Variants in CUX1 observed in about 807,000 individuals in gnomAD.
The protein encoded by CUX1 is cut like homeobox 1.
In CUX1, 31 loss-of-function variants were observed where a neutral mutation model predicts 158.8. That is an observed-to-expected ratio of 0.20 (90% CI 0.15 to 0.26). The LOEUF (loss-of-function observed/expected upper bound fraction) is 0.26. Ranked by LOEUF, CUX1 falls within the 10% of genes least tolerant of loss-of-function variation. The pLI is 1.00. For synonymous variants in CUX1, 879 were observed against 862.1 expected, an observed-to-expected ratio of 1.02 and a Z score of -0.34; for missense variants, 1,589 against 2,014.6, an observed-to-expected ratio of 0.79 and a Z score of 4.04.
intron 2 of CUX1, among the ~76,000 whole-genome samples, chr7:101,937,403 T>A (rs1807071548): frequency 6.6e-6 from 1 of 152,180 alleles, no homozygotes; most frequent in Admixed American, 6.5e-5. Context: ...GCCCAAGCTT[T>A]GGCATAGGCC....
chr7:102,132,814 G>A (rs1833465698), intron 8 of CUX1, among the ~76,000 whole-genome samples: 1 of 150,276 alleles, frequency 6.7e-6, no homozygotes, highest in Non-Finnish European at 1.5e-5. Flanking sequence ...TGGGATTACA[G>A]GCACCCGCCA....
At chr7:102,211,923 T>A (rs1267177897) in intron 20 of CUX1, among the ~76,000 whole-genome samples, 10 of 151,860 alleles carry the variant, frequency 6.6e-5, no homozygotes, top group African/African-American at 2.4e-4. Context: ...GCTGATGAGA[T>A]GAGGCTGGGG....
chr7:102,027,117 G>T (rs1179544576), intron 2 of CUX1, among the ~76,000 whole-genome samples: 2 of 152,160 alleles, frequency 1.3e-5, no homozygotes, highest in Non-Finnish European at 2.9e-5. Flanking sequence ...GGCCATGGTG[G>T]CTCATGCCTG....
At chr7:101,887,861 T>G (rs909068245) in intron 1 of CUX1, among the ~76,000 whole-genome samples, 10 of 145,998 alleles carry the variant, frequency 6.8e-5, no homozygotes, top group African/African-American at 7.7e-5. Context: ...TTTTTTTTTT[T>G]TTTGTTTAGA....
chr7:101,861,549 C>A (rs1395513592), intron 1 of CUX1, among the ~76,000 whole-genome samples: 2 of 151,542 alleles, frequency 1.3e-5, no homozygotes, highest in Non-Finnish European at 2.9e-5. Context: ...CCCTGGGTGC[C>A]CCTGTCTACT....
chr7:101,938,804 G>A (rs1170493292), intron 2 of CUX1, among the ~76,000 whole-genome samples: 1 of 152,058 alleles, frequency 6.6e-6, no homozygotes, highest in African/African-American at 2.4e-5. Context: ...ACTTTGGGAG[G>A]CTGAGGCGGG....
chr7:102,128,882 G>A (rs1832928965), intron 8 of CUX1, among the ~76,000 whole-genome samples: 1 of 152,020 alleles, frequency 6.6e-6, no homozygotes, highest in Admixed American at 6.6e-5. Context: ...GGAGGCTGAA[G>A]TAGAAGAATC....
chr7:102,094,375 C>CTAAA (rs1554483306), intron 4 of CUX1, among the ~76,000 whole-genome samples: 1 of 152,172 alleles, frequency 6.6e-6, no homozygotes, highest in Non-Finnish European at 1.5e-5. Flanking sequence ...TAGTGTCAGA[C>CTAAA]TAAATATACA....
chr7:101,937,244 A>G (rs967333956), intron 2 of CUX1, among the ~76,000 whole-genome samples: 1 of 152,166 alleles, frequency 6.6e-6, no homozygotes, highest in Non-Finnish European at 1.5e-5. Context: ...TCCCCCTGTG[A>G]AAGACATTAG....
At chr7:102,233,843 G>A (rs1458338170) in intron 21 of CUX1, among the ~76,000 whole-genome samples, 1 of 152,192 alleles carries the variant, frequency 6.6e-6, no homozygotes, top group African/African-American at 2.4e-5. Flanking sequence ...GAGAATGCAA[G>A]AGCAATGCCA....
chr7:102,011,856 G>T (rs1263048485), intron 2 of CUX1, among the ~76,000 whole-genome samples: 3 of 151,882 alleles, frequency 2.0e-5, no homozygotes, highest in Non-Finnish European at 4.4e-5. Context: ...CGGAATTTCG[G>T]TCTTGTCACC....
intron 1 of CUX1, among the ~76,000 whole-genome samples, chr7:101,879,623 G>C (rs1007623851): frequency 3.3e-5 from 5 of 150,234 alleles, no homozygotes; most frequent in African/African-American, 1.3e-4. Context: ...AGCCAGTGTG[G>C]TGTGACCCCC....
At chr7:101,900,459 G>A (rs916316161) in intron 1 of CUX1, among the ~76,000 whole-genome samples, 1 of 152,156 alleles carries the variant, frequency 6.6e-6, no homozygotes, top group Admixed American at 6.5e-5. Flanking sequence ...CGCTGAATGC[G>A]GCACCGAAAA....
chr7:102,088,766 C>T (rs1554481349), intron 4 of CUX1, among the ~76,000 whole-genome samples: 1 of 152,158 alleles, frequency 6.6e-6, no homozygotes, highest in African/African-American at 2.4e-5. Context: ...AACCTATATA[C>T]AATTAATCTT....
chr7:102,052,255 T>C (rs1272664171), intron 3 of CUX1, among the ~76,000 whole-genome samples: 2 of 152,138 alleles, frequency 1.3e-5, no homozygotes, highest in African/African-American at 4.8e-5. Flanking sequence ...CCATTAGTGG[T>C]CACTCCTCAT....
chr7:101,911,439 T>C (rs1181030560), intron 1 of CUX1, among the ~76,000 whole-genome samples: 1 of 152,142 alleles, frequency 6.6e-6, no homozygotes, highest in African/African-American at 2.4e-5. Context: ...GCCTTGGTCC[T>C]GCAGTAGACA....
In CUX1 at chr7:102,256,269, C is replaced by A. The variant is rs1334214058; in HGVS notation, c.*7227C>A. ...GTTGAAATGGACTGACTGCTACTGA[C>A]CTGCCGGCGTGCGTGAGGGTGATTA... On this transcript the variant is annotated 3_prime_UTR_variant, in exon 24 of 24. Transcript: ENST00000292535. 2.0e-6 allele frequency: 2 copies of A among 985,480 alleles called. No individual in the cohort carries two copies. Among genetic ancestry groups the A allele is most frequent in the African/African-American group, 3.5e-5 (2 of 57,372 alleles). The allele number at this position is 985,480 out of a possible 1,614,324, so 61.0% of individuals were successfully genotyped here. A position where few individuals can be genotyped will look rare whatever the true frequency, so the allele number is the denominator to read the frequency against.
chr7:101,821,341 C>CTT (rs558871601), intron 1 of CUX1, among the ~76,000 whole-genome samples: 14 of 140,862 alleles, frequency 9.9e-5, no homozygotes, highest in East Asian at 4.2e-4. Flanking sequence ...TATTTTCTTT[C>CTT]TTTTTTTTTT....
intron 1 of CUX1, among the ~76,000 whole-genome samples, chr7:101,885,458 C>T (rs957289152): frequency 2.0e-5 from 3 of 152,148 alleles, no homozygotes; most frequent in African/African-American, 7.2e-5. Context: ...ACTCGGGAGG[C>T]TGAGGTGGGA....
Sources: gnomAD v4.1 joint callset for allele counts (sites outside exome capture counted in the v4.1 genomes callset) on GRCh38, gnomAD v4.1.1 for gene constraint, MANE v1.5 for transcripts, NCBI Gene and HGNC (gene_info 2026-07-23, HGNC 2026-07-21) for gene names.